The following KDELR3 variants were observed in gnomAD, a reference collection of about 807,000 sequenced individuals.
The protein encoded by KDELR3 is ER lumen protein-retaining receptor 3.
KDELR3 carries 26 observed loss-of-function variants against 22.7 expected under a neutral mutation model. The ratio of observed to expected loss-of-function variants is 1.15; its 90% CI spans 0.84 to 1.59. KDELR3 has a LOEUF of 1.59. Among genes scored for constraint, KDELR3 ranks in the 40% most tolerant of loss-of-function variants. The probability of loss-of-function intolerance (pLI) is 0.00; values close to 1 mark genes in which losing one functional copy is unlikely to be tolerated. For synonymous variants in KDELR3, 120 were observed against 98.2 expected (o/e 1.22, Z -1.31); for missense variants, 289 against 251.1 (o/e 1.15, Z -1.02).
chr22:38,471,076 G>A (rs2089521739), intron 1 of KDELR3, among the ~76,000 whole-genome samples: 1 of 152,006 alleles, frequency 6.6e-6, no homozygotes, highest in Non-Finnish European at 1.5e-5. Flanking sequence ...CCTGGGAGGC[G>A]GAGGTTGCAG....
intron 2 of KDELR3, among the ~76,000 whole-genome samples, chr22:38,475,054 T>C (rs1221576403): frequency 8.7e-6 from 1 of 115,236 alleles, no homozygotes; most frequent in Non-Finnish European, 1.6e-5. Flanking sequence ...CACTCCACCC[T>C]GGGTGACAGA....
intron 1 of KDELR3, among the ~76,000 whole-genome samples, chr22:38,469,236 G>A (rs2089508581): frequency 6.6e-6 from 1 of 152,230 alleles, no homozygotes; most frequent in African/African-American, 2.4e-5. Context: ...CCAAGCACCG[G>A]GCATCCCCCG....
At chr22:38,469,978 C>T (rs983034370) in intron 1 of KDELR3, among the ~76,000 whole-genome samples, 2 of 151,944 alleles carry the variant, frequency 1.3e-5, no homozygotes, top group Non-Finnish European at 2.9e-5. Context: ...CACCACCACA[C>T]CCGGCTAATT....
At chr22:38,473,108 G>A (rs1249696766) in intron 1 of KDELR3, among the ~76,000 whole-genome samples, 3 of 152,216 alleles carry the variant, frequency 2.0e-5, no homozygotes, top group South Asian at 4.1e-4. Context: ...GTTAAAAAAA[G>A]AAAGAGACCA....
Position 38,482,747 on chromosome 22 carries a change from C to A in KDELR3, c.*211C>A. ...CCCATTGTAAGGTCATAAAAAACCT[C>A]GGCCACCTGCACAAAGATGGTGCCT... On this transcript the variant is annotated 3_prime_UTR_variant, in exon 5 of 5. Transcript: ENST00000216014. 1.8e-6 allele frequency: 1 copy of A among 546,284 alleles called. No homozygotes were observed. Among genetic ancestry groups the A allele is most frequent in the Non-Finnish European group, 3.2e-6 (1 of 308,786 alleles). The allele number at this position is 546,284 out of a possible 1,614,324, so 33.8% of individuals were successfully genotyped here.
rs537335164 is a variant in KDELR3 at position 38,477,483 on chromosome 22, G to A, written c.193-2110G>A. Among the ~76,000 whole-genome samples, 7 of 152,272 alleles carry A rather than the reference G, an allele frequency of 4.6e-5. No homozygotes were observed. In the South Asian group the frequency reaches 1.0e-3, roughly 23 times the overall value. ...CTCCCAAAGTGCTGGGATTACAGGC[G>A]AGAGCCACCGTGCCTGGCCTAGGAA... On this transcript the variant is annotated intron_variant, in intron 2 of 4. Transcript: ENST00000216014.
rs1206163163 is a variant in KDELR3 at position 38,474,597 on chromosome 22, A to G, written c.166A>G (p.Ile56Val). Residue 56 changes from isoleucine to valine, a missense_variant, in exon 2 of 5, where the codon ATC becomes GTC. Ile to Val is a conservative substitution (Grantham distance 29). Coordinates refer to ENST00000216014, the MANE Select transcript of KDELR3 (RefSeq NM_006855.4). ...GTACCTGGACCTGTTCACCAACTTC[A>G]TCTCCATCTACAACACAGTAATGAA... is the stretch of plus-strand genomic sequence containing the variant. Reference protein sequence around the residue: ...TRYLDLFTNFISIYNTVMKVV... With the variant: ...TRYLDLFTNFVSIYNTVMKVV... The G allele has an allele frequency of 1.2e-6, 2 of 1,613,564 alleles. No individual in the cohort carries two copies. The highest frequency in any genetic ancestry group is 1.3e-5 in the African/African-American group (1 of 74,834).
intron 3 of KDELR3, among the ~76,000 whole-genome samples, chr22:38,480,897 C>T (rs117009774): frequency 0.036 from 5,390 of 151,748 alleles, 157 homozygotes; most frequent in Non-Finnish European, 0.059. Context: ...TGCCACTGCA[C>T]TCCAGCCTGG....
At chr22:38,478,098 A>T (rs1337360284) in intron 2 of KDELR3, among the ~76,000 whole-genome samples, 2 of 151,550 alleles carry the variant, frequency 1.3e-5, no homozygotes, top group Non-Finnish European at 2.9e-5. Context: ...GTATGTTCAC[A>T]TGGAGCTATG....
At chr22:38,479,492 T>A (rs1569133272) in intron 2 of KDELR3, 101 bp from the exon 3 acceptor site, 2 of 1,096,044 alleles carry the variant, frequency 1.8e-6, no homozygotes, top group Admixed American at 4.1e-5. Flanking sequence ...TGTTACATTA[T>A]GGCAGAACAC....
chr22:38,475,851 C>G (rs778236447), intron 2 of KDELR3, among the ~76,000 whole-genome samples: 9 of 152,162 alleles, frequency 5.9e-5, no homozygotes, highest in Non-Finnish European at 1.0e-4. Context: ...CCAGGCTGGT[C>G]TCACGCTCCT....
chr22:38,469,613 G>A (rs1276370580), intron 1 of KDELR3, among the ~76,000 whole-genome samples: 1 of 152,066 alleles, frequency 6.6e-6, no homozygotes, highest in Admixed American at 6.6e-5. Context: ...ATGCTGAGTG[G>A]GGGACCCGGA....
rs1186013042 is a variant in KDELR3, at chr22:38,474,351, T to C, written c.92-172T>C. ...AGGAACGACGACTCAAGTGATCCGATGGGAAGGGTGAGTTTCCTGGCCCTT... is the reference window on the plus strand; with the variant it reads ...AGGAACGACGACTCAAGTGATCCGACGGGAAGGGTGAGTTTCCTGGCCCTT... On this transcript the variant is annotated intron_variant, in intron 1 of 4. Coordinates refer to ENST00000216014, the MANE Select transcript of KDELR3 (RefSeq NM_006855.4). The C allele has an allele frequency of 1.8e-5, 10 of 570,016 alleles. No individual in the cohort carries two copies. The East Asian group carries it at 3.0e-4, about 17-fold the overall frequency. 35.3% of individuals were successfully genotyped at this position (570,016 alleles called of 1,614,324 possible).
intron 1 of KDELR3, among the ~76,000 whole-genome samples, chr22:38,472,671 T>G (rs1272799300): frequency 6.6e-6 from 1 of 152,122 alleles, no homozygotes; most frequent in Non-Finnish European, 1.5e-5. Flanking sequence ...GATAAAGTAC[T>G]GTCACTAAAT....
chr22:38,469,957 T>C (rs556080975), intron 1 of KDELR3, among the ~76,000 whole-genome samples: 2 of 151,996 alleles, frequency 1.3e-5, no homozygotes, highest in African/African-American at 2.4e-5. Flanking sequence ...GTAGCTGGGA[T>C]TACAGGCACG....
chr22:38,480,307 C>A (rs1452771449), intron 3 of KDELR3, among the ~76,000 whole-genome samples: 3 of 151,990 alleles, frequency 2.0e-5, no homozygotes, highest in Admixed American at 2.0e-4. Context: ...CCACACTCAG[C>A]TAATTTTTGT....
intron 2 of KDELR3, among the ~76,000 whole-genome samples, chr22:38,476,274 C>A (rs1192402423): frequency 6.6e-6 from 1 of 151,676 alleles, no homozygotes; most frequent in African/African-American, 2.4e-5. Flanking sequence ...GGCTGGAGTG[C>A]AGTGGGGCAA....
chr22:38,469,091 G>A (rs1014938647), intron 1 of KDELR3, among the ~76,000 whole-genome samples: 13 of 152,360 alleles, frequency 8.5e-5, no homozygotes, highest in African/African-American at 3.1e-4. Context: ...GGCTGAGGAG[G>A]CTGAGAAGGC....
chr22:38,469,279 G>A (rs534089566), intron 1 of KDELR3, among the ~76,000 whole-genome samples: 2 of 152,356 alleles, frequency 1.3e-5, no homozygotes, highest in African/African-American at 2.4e-5. Flanking sequence ...GGGGTGGTCT[G>A]GAGGGAGATG....
Sources: allele counts gnomAD v4.1 joint callset (sites outside exome capture counted in the v4.1 genomes callset), GRCh38; gene constraint gnomAD v4.1.1; transcripts MANE v1.5; gene names NCBI Gene and HGNC (gene_info 2026-07-23, HGNC 2026-07-21).